The following ACKR2 variants were observed in gnomAD, a reference collection of about 807,000 sequenced individuals.
ACKR2 encodes atypical chemokine receptor 2, also known as C-C chemokine receptor D6.
For synonymous variants in ACKR2, 207 were observed against 192.2 expected, an observed-to-expected ratio of 1.08 and a Z score of -0.64; for missense variants, 457 against 477.3, an observed-to-expected ratio of 0.96 and a Z score of 0.40.
intron 2 of ACKR2, among the ~76,000 whole-genome samples, chr3:42,822,650 C>T (rs558417768): frequency 3.2e-4 from 48 of 151,984 alleles, no homozygotes; most frequent in Admixed American, 2.1e-3. Flanking sequence ...GTCAGGAGTT[C>T]GAGACCAGCC....
intron 2 of ACKR2, among the ~76,000 whole-genome samples, chr3:42,825,129 T>G (rs929933084): frequency 5.9e-5 from 9 of 152,192 alleles, no homozygotes; most frequent in African/African-American, 2.2e-4. Flanking sequence ...GTAGTAAGTT[T>G]TGAAAAAAGA....
intron 2 of ACKR2, among the ~76,000 whole-genome samples, chr3:42,846,098 G>T (rs1289598806): frequency 6.6e-6 from 1 of 152,018 alleles, no homozygotes; most frequent in Non-Finnish European, 1.5e-5. Context: ...TCGGGTTCGT[G>T]GGAGGATTAG....
chr3:42,818,688 A>G (rs2125603334), intron 1 of ACKR2, among the ~76,000 whole-genome samples: 1 of 152,222 alleles, frequency 6.6e-6, no homozygotes, highest in South Asian at 2.1e-4. Context: ...CTGCCTCCAG[A>G]GTAGCTGTGA....
At chr3:42,856,034 C>T (rs1409204078) in intron 2 of ACKR2, 1 of 270,994 alleles carries the variant, frequency 3.7e-6, no homozygotes, top group Non-Finnish European at 6.9e-6. Context: ...TCCTCACATC[C>T]TCCTTCTGCA....
At chr3:42,844,552 C>T in intron 2 of ACKR2, among the ~76,000 whole-genome samples, 1 of 152,118 alleles carries the variant, frequency 6.6e-6, no homozygotes, top group Non-Finnish European at 1.5e-5. Context: ...ACAGACAGAG[C>T]AGTGTGGGTA....
At chr3:42,813,981 G>A (rs1487957409) in intron 1 of ACKR2, among the ~76,000 whole-genome samples, 1 of 152,110 alleles carries the variant, frequency 6.6e-6, no homozygotes, top group African/African-American at 2.4e-5. Flanking sequence ...ATGTAATAAC[G>A]AGAGACAACA....
At chr3:42,854,630 A>G (rs542312682) in intron 2 of ACKR2, among the ~76,000 whole-genome samples, 21 of 152,186 alleles carry the variant, frequency 1.4e-4, no homozygotes, top group Non-Finnish European at 2.9e-4. Flanking sequence ...GGGGATTATA[A>G]TCACTTTGCT....
At chr3:42,863,468 T>G (rs1381436602) in intron 2 of ACKR2, among the ~76,000 whole-genome samples, 1 of 152,214 alleles carries the variant, frequency 6.6e-6, no homozygotes, top group African/African-American at 2.4e-5. Flanking sequence ...CTCAAGGATC[T>G]AGAACCAGAA....
Position 42,864,949 on chromosome 3 carries a change from T to A in ACKR2, c.447T>A (p.Ala149=), listed in dbSNP as rs150917727. The A allele has an allele frequency of 3.7e-6, 6 of 1,614,034 alleles. No homozygotes were observed. In the African/African-American group the frequency reaches 6.7e-5, roughly 18 times the overall value. ...SLDKYLEIVH[A]QPYHRLRTRA... ...ACAAGTACCTGGAGATCGTTCATGC[T>A]CAGCCCTACCACAGGCTGAGGACCC... is the stretch of plus-strand genomic sequence containing the variant. Residue 149 remains alanine, a synonymous_variant, in exon 3 of 3, where the codon GCT becomes GCA. Transcript: ENST00000422265.
Position 42,865,629 on chromosome 3 carries a change from A to G in ACKR2, c.1127A>G (p.Lys376Arg), listed in dbSNP as rs771903238. The part of the protein sequence containing the change: ...GERQSENYPN[K>R]EDVGNKSA ...AGGCAGTCTGAGAACTACCCTAACA[A>G]GGAGGATGTGGGGAATAAATCAGCC... Residue 376 changes from lysine (K) to arginine (R), a missense_variant, in exon 3 of 3, where the codon AAG (lysine) becomes AGG (arginine). By Grantham distance (26) the Lys-to-Arg change is conservative. Coordinates refer to ENST00000422265, the MANE Select transcript of ACKR2 (RefSeq NM_001296.5). The G allele has an allele frequency of 1.9e-6, 3 of 1,612,478 alleles. No homozygotes were observed. Among genetic ancestry groups the G allele is most frequent in the East Asian group, 4.5e-5 (2 of 44,856 alleles).
intron 2 of ACKR2, among the ~76,000 whole-genome samples, chr3:42,823,122 T>C (rs566119795): frequency 6.6e-6 from 1 of 152,358 alleles, no homozygotes; most frequent in African/African-American, 2.4e-5. Flanking sequence ...GTGCCTCCTG[T>C]CTTCACTTTG....
chr3:42,833,038 G>GT (rs1440699397), intron 2 of ACKR2, among the ~76,000 whole-genome samples: 1 of 152,064 alleles, frequency 6.6e-6, no homozygotes, highest in Non-Finnish European at 1.5e-5. Flanking sequence ...TAATTTTTGT[G>GT]TTTTTTGTAG....
chr3:42,818,796 A>G (rs1211821470), intron 1 of ACKR2, among the ~76,000 whole-genome samples: 3 of 152,198 alleles, frequency 2.0e-5, no homozygotes, highest in Non-Finnish European at 2.9e-5. Flanking sequence ...TCCTGACCTC[A>G]GGTGATCTGC....
chr3:42,866,904 C>A lies in ACKR2; in HGVS notation c.*1247C>A. On this transcript the variant is annotated 3_prime_UTR_variant, in exon 3 of 3. Transcript: ENST00000422265. Reference sequence around the variant, plus strand: ...TTTTTTTTTTTTTGAGACAGGATCTCACTCTGTCATCCAGGCTGAAGTCCA... The same window carrying A: ...TTTTTTTTTTTTTGAGACAGGATCTAACTCTGTCATCCAGGCTGAAGTCCA... 1 of 165,442 alleles carries A rather than the reference C, an allele frequency of 6.0e-6. No homozygotes were observed. 10.2% of individuals were successfully genotyped at this position (165,442 alleles called of 1,614,324 possible). A position where few individuals can be genotyped will look rare whatever the true frequency, so the allele number is the denominator to read the frequency against.
Position 42,865,977 on chromosome 3 carries a change from T to G in ACKR2, c.*320T>G. The G allele has an allele frequency of 3.5e-6, 1 of 282,756 alleles. No homozygotes were observed. The highest frequency in any genetic ancestry group is 6.7e-6 in the Non-Finnish European group (1 of 149,162). 17.5% of individuals were successfully genotyped at this position (282,756 alleles called of 1,614,324 possible). ...CTCCTTTCCTCCCTTCCTACTTTCC[T>G]TCCTTCCTTCTGACAGGGTCTTGCT... On this transcript the variant is annotated 3_prime_UTR_variant, in exon 3 of 3. Transcript: ENST00000422265.
At chr3:42,848,936 A>G (rs1701124791) in intron 2 of ACKR2, among the ~76,000 whole-genome samples, 1 of 152,276 alleles carries the variant, frequency 6.6e-6, no homozygotes, top group African/African-American at 2.4e-5. Flanking sequence ...AAATTTAGGG[A>G]CATTCTACAA....
In ACKR2 at chr3:42,852,046, A is replaced by G. The variant is rs1402958262; in HGVS notation, c.-37-12420A>G. ...TTTTAGGGGCTGGAAGAGAACCAAT[A>G]GTATATGCCAGGCCCTTAGTTTACC... On this transcript the variant is annotated intron_variant, in intron 2 of 2. Coordinates refer to ENST00000422265, the MANE Select transcript of ACKR2 (RefSeq NM_001296.5). The surrounding 1 kb of genome is among the most constrained non-coding windows in gnomAD (Gnocchi z 4.3). Among the ~76,000 whole-genome samples the G allele has an allele frequency of 6.6e-6, 1 of 152,210 alleles. No homozygotes were observed. Among genetic ancestry groups the G allele is most frequent in the Non-Finnish European group, 1.5e-5 (1 of 68,042 alleles).
intron 1 of ACKR2, among the ~76,000 whole-genome samples, chr3:42,810,765 C>T (rs915033258): frequency 6.6e-6 from 1 of 152,352 alleles, no homozygotes; most frequent in African/African-American, 2.4e-5. Flanking sequence ...GAAGAGACAC[C>T]CCTCTGCGCA....
intron 2 of ACKR2, among the ~76,000 whole-genome samples, chr3:42,842,057 T>A (rs1046587465): frequency 1.3e-5 from 2 of 152,130 alleles, no homozygotes; most frequent in Non-Finnish European, 2.9e-5. Context: ...TTGGTTGGTG[T>A]GAAGATTAGA....
Sources: allele counts gnomAD v4.1 joint callset (sites outside exome capture counted in the v4.1 genomes callset), GRCh38; gene constraint gnomAD v4.1.1; non-coding constraint Gnocchi (gnomAD v3.1); transcripts MANE v1.5; gene names NCBI Gene and HGNC (gene_info 2026-07-23, HGNC 2026-07-21).